Variants in FAM222A observed in about 807,000 individuals in gnomAD.
FAM222A encodes protein FAM222A.
Under a neutral mutation model 25.8 loss-of-function variants are expected in FAM222A, and 7 were observed. The ratio of observed to expected loss-of-function variants is 0.27; its 90% confidence interval spans 0.15 to 0.51. FAM222A has a LOEUF of 0.51. Ranked by LOEUF, FAM222A falls within the 20% of genes least tolerant of loss-of-function variation. The pLI, the probability that FAM222A is intolerant of heterozygous loss-of-function variation, is 0.97. For missense variants in FAM222A, 573 were observed against 640.5 expected (o/e 0.89, Z 1.14); for synonymous variants, 294 against 298.8 (o/e 0.98, Z 0.17).
intron 1 of FAM222A, among the ~76,000 whole-genome samples, chr12:109,727,473 T>C (rs1413931795): frequency 1.3e-5 from 2 of 152,152 alleles, no homozygotes; most frequent in African/African-American, 4.8e-5. Flanking sequence ...TTGCTCTTGT[T>C]TCCTGGGGGT....
chr12:109,750,233 T>C (rs1039570886), intron 2 of FAM222A, among the ~76,000 whole-genome samples: 1 of 152,250 alleles, frequency 6.6e-6, no homozygotes, highest in Non-Finnish European at 1.5e-5. Flanking sequence ...GTATCTGTTA[T>C]TTTCCCTAAG....
At chr12:109,767,658 A>G (rs1349626057) in intron 2 of FAM222A, among the ~76,000 whole-genome samples, 5 of 152,210 alleles carry the variant, frequency 3.3e-5, no homozygotes, top group East Asian at 1.9e-4. Flanking sequence ...GTAGAATTCC[A>G]TCTTACCACA....
At chr12:109,738,553 G>C (rs7973227) in intron 1 of FAM222A, among the ~76,000 whole-genome samples, 3 of 152,054 alleles carry the variant, frequency 2.0e-5, no homozygotes, top group African/African-American at 7.2e-5. Context: ...CAGGAAGGCT[G>C]CGAGGCCCTG....
In FAM222A at chr12:109,768,290, C is replaced by T; in HGVS notation, c.361C>T (p.Pro121Ser). ...CTCCAGCACGGCCGCACCAGCTGGG[C>T]CCGCCAAAAGTGTGCTCAAGAGCGC... ...SSSSTAAPAG[P>S]AKSVLKSAEG... The change falls in exon 3 of 3, where the codon CCC becomes TCC. Residue 121 changes from proline (P) to serine (S), a missense_variant. This residue lies in a region of FAM222A where 412 missense variants were observed against 407.0 expected (regional missense o/e 1.01). Coordinates refer to ENST00000538780, the MANE Select transcript of FAM222A (RefSeq NM_032829.3). The T allele has an allele frequency of 6.2e-7, 1 of 1,606,942 alleles. No homozygotes were observed.
In FAM222A at chr12:109,742,611, C is replaced by CTT. The variant is rs201720366; in HGVS notation, c.-46-1478_-46-1477dup. Among the ~76,000 whole-genome samples the CTT allele has an allele frequency of 6.2e-3, 883 of 142,184 alleles. 9 individuals are homozygous for CTT. Among genetic ancestry groups the CTT allele is most frequent in the African/African-American group, 0.018 (710 of 38,652 alleles). The allele number at this position is 142,184 out of a possible 152,430, so 93.3% of individuals were successfully genotyped here. On this transcript the variant is annotated intron_variant, in intron 1 of 2. Transcript: ENST00000538780. ...TCCTCCACTCTCTCTCTCTCTCGCTCTTTTTTTTTTTTTCTTGAGACAGTA... is the reference window on the plus strand; with the variant it reads ...TCCTCCACTCTCTCTCTCTCTCGCTCTTTTTTTTTTTTTTTCTTGAGACAGTA...
intron 1 of FAM222A, among the ~76,000 whole-genome samples, chr12:109,727,103 C>T (rs868457651): frequency 2.0e-5 from 3 of 151,984 alleles, no homozygotes; most frequent in African/African-American, 2.4e-5. Flanking sequence ...AGACTGGACG[C>T]GGCCCTGCCA....
chr12:109,720,187 G>T (rs1887722059), intron 1 of FAM222A: 1 of 985,342 alleles, frequency 1.0e-6, no homozygotes, highest in African/African-American at 1.7e-5. Context: ...CAGCTGTTTG[G>T]GGCCCTGGGG....
intron 2 of FAM222A, among the ~76,000 whole-genome samples, chr12:109,746,604 A>T (rs1461549941): frequency 2.0e-5 from 3 of 152,226 alleles, no homozygotes; most frequent in Non-Finnish European, 2.9e-5. Context: ...TTTAATTATT[A>T]TGTTGTTTAA....
intron 1 of FAM222A, among the ~76,000 whole-genome samples, chr12:109,731,854 G>A (rs564936208): frequency 1.3e-5 from 2 of 152,202 alleles, no homozygotes; most frequent in Non-Finnish European, 2.9e-5. Flanking sequence ...GACCATGCAG[G>A]GAGTGTGGGA....
At chr12:109,753,660 C>T (rs1236076345) in intron 2 of FAM222A, among the ~76,000 whole-genome samples, 2 of 152,194 alleles carry the variant, frequency 1.3e-5, no homozygotes, top group Non-Finnish European at 2.9e-5. Flanking sequence ...AAGGGCTTGT[C>T]GTCCAAGAGG....
rs970630818 is a variant in FAM222A at position 109,714,205 on chromosome 12, G to T, written c.-739G>T. On this transcript the variant is annotated 5_prime_UTR_variant, in exon 1 of 3. Coordinates refer to ENST00000538780, the MANE Select transcript of FAM222A (RefSeq NM_032829.3). This position sits in a 1 kb window ranked among gnomAD's most constrained non-coding sequence, Gnocchi z 4.2. The stretch of plus-strand genomic sequence containing the variant: ...ATCCGAGCTTGCGTCGCCCGCTGCC[G>T]CCGCCGCCGCCGCTGCCGCCGCCGC... The T allele has an allele frequency of 4.9e-6, 1 of 204,088 alleles. No individual in the cohort carries two copies. The highest frequency in any genetic ancestry group is 9.8e-6 in the Non-Finnish European group (1 of 102,250). 12.6% of individuals were successfully genotyped at this position (204,088 alleles called of 1,614,324 possible). A position where few individuals can be genotyped will look rare whatever the true frequency, so the allele number is the denominator to read the frequency against.
At position 109,713,988 on chromosome 12, in the gene FAM222A, C is replaced by T. The variant is rs953270079; in HGVS notation, c.-956C>T. On this transcript the variant is annotated 5_prime_UTR_variant, in exon 1 of 3. In the 5' UTR this introduces an upstream ATG that the reference lacks. Coordinates refer to ENST00000538780, the MANE Select transcript of FAM222A (RefSeq NM_032829.3). ...AGGCGAGGCGCCGGCGCGCGCCAGA[C>T]GGCGCGAGGCTGCGGCCCCGGGAGC... 6.8e-6 allele frequency among the ~76,000 whole-genome samples: 1 copy of T among 146,438 alleles called. No individual in the cohort carries two copies. The highest frequency in any genetic ancestry group is 1.5e-5 in the Non-Finnish European group (1 of 65,918).
chr12:109,739,884 C>T (rs1025491786), intron 1 of FAM222A, among the ~76,000 whole-genome samples: 1 of 152,196 alleles, frequency 6.6e-6, no homozygotes, highest in Admixed American at 6.5e-5. Flanking sequence ...ACAGAGGCCA[C>T]GAGGAGGAGG....
At chr12:109,737,577 C>G (rs1420777450) in intron 1 of FAM222A, among the ~76,000 whole-genome samples, 1 of 136,520 alleles carries the variant, frequency 7.3e-6, no homozygotes, top group East Asian at 2.4e-4. Context: ...CTCCCCAGCC[C>G]CCAACCTTAA....
Position 109,769,386 on chromosome 12 carries a change from C to T in FAM222A, c.*98C>T. Reference sequence around the variant, plus strand: ...CGGCTCGCAGGGGCGCTCAGCCCCACCCTGTGCCTGCTGATGCCCACAGGG... The same window carrying T: ...CGGCTCGCAGGGGCGCTCAGCCCCATCCTGTGCCTGCTGATGCCCACAGGG... On this transcript the variant is annotated 3_prime_UTR_variant, in exon 3 of 3. Transcript: ENST00000538780. 2 of 1,383,916 alleles carry T rather than the reference C, an allele frequency of 1.4e-6. No homozygotes were observed. Among genetic ancestry groups the T allele is most frequent in the African/African-American group, 1.4e-5 (1 of 69,194 alleles). 85.7% of individuals were successfully genotyped at this position (1,383,916 alleles called of 1,614,324 possible).
chr12:109,741,247 G>C (rs1463079340), intron 1 of FAM222A, among the ~76,000 whole-genome samples: 2 of 152,182 alleles, frequency 1.3e-5, no homozygotes, highest in Non-Finnish European at 2.9e-5. Context: ...CAGTGAGTTG[G>C]GAGAACTGGG....
At position 109,769,838 on chromosome 12, in the gene FAM222A, G is replaced by T; in HGVS notation, c.*550G>T. 6.4e-6 allele frequency: 1 copy of T among 156,396 alleles called. No individual in the cohort carries two copies. Among genetic ancestry groups the T allele is most frequent in the Non-Finnish European group, 1.4e-5 (1 of 70,872 alleles). 9.7% of individuals were successfully genotyped at this position (156,396 alleles called of 1,614,324 possible). ...AAGACCACTCTGACAGAGGCTCCAGGGACTATACCAGTCCCCCTGTTCCTC... is the reference window on the plus strand; with the variant it reads ...AAGACCACTCTGACAGAGGCTCCAGTGACTATACCAGTCCCCCTGTTCCTC... On this transcript the variant is annotated 3_prime_UTR_variant, in exon 3 of 3. Coordinates refer to ENST00000538780, the MANE Select transcript of FAM222A (RefSeq NM_032829.3).
At chr12:109,732,148 G>C (rs186510530) in intron 1 of FAM222A, among the ~76,000 whole-genome samples, 3 of 152,366 alleles carry the variant, frequency 2.0e-5, no homozygotes, top group Admixed American at 2.0e-4. Context: ...GCCGCTTTCA[G>C]TGGTCATTGT....
At chr12:109,734,548 C>T (rs1406200681) in intron 1 of FAM222A, 6 of 150,932 alleles carry the variant, frequency 4.0e-5, no homozygotes, top group African/African-American at 1.5e-4. Context: ...GAGCGCCAGT[C>T]GCCTGTCTCC....
Sources: allele counts gnomAD v4.1 joint callset (sites outside exome capture counted in the v4.1 genomes callset), GRCh38; gene constraint gnomAD v4.1.1; regional missense constraint gnomAD v4.1.1; non-coding constraint Gnocchi (gnomAD v3.1); transcripts MANE v1.5; gene names NCBI Gene and HGNC (gene_info 2026-07-23, HGNC 2026-07-21).